CLYBL: variants seen among roughly 807,000 people sequenced by gnomAD.
The protein encoded by CLYBL is citramalyl-CoA lyase, mitochondrial.
A neutral mutation model predicts 38.9 loss-of-function variants in CLYBL; 31 were observed. The observed-to-expected ratio is 0.80, with a 90% CI of 0.60 to 1.08. CLYBL has a LOEUF of 1.08. Among genes scored for constraint, CLYBL ranks in the 50% least tolerant of loss-of-function variants. The pLI, the probability that CLYBL is intolerant of heterozygous loss-of-function variation, is 0.00. For synonymous variants in CLYBL, 171 were observed against 158.6 expected (o/e 1.08, Z -0.59); for missense variants, 434 against 411.6 (o/e 1.05, Z -0.47).
At chr13:99,732,962 TTAA>T (rs1312660122) in intron 1 of CLYBL, among the ~76,000 whole-genome samples, 1 of 152,246 alleles carries the variant, frequency 6.6e-6, no homozygotes, top group African/African-American at 2.4e-5. Context: ...CAAATAATTA[TTAA>T]TGATACTGTA....
At chr13:99,878,568 C>G (rs553823364) in intron 7 of CLYBL, among the ~76,000 whole-genome samples, 1 of 152,092 alleles carries the variant, frequency 6.6e-6, no homozygotes. Flanking sequence ...GTGATAGTAG[C>G]GGAACTCTAC....
intron 1 of CLYBL, among the ~76,000 whole-genome samples, chr13:99,661,702 T>G (rs906940345): frequency 6.6e-6 from 1 of 152,214 alleles, no homozygotes; most frequent in African/African-American, 2.4e-5. Context: ...TCTTACTGTT[T>G]TAAGGATTTT....
At chr13:99,655,702 C>T (rs555019786) in intron 1 of CLYBL, among the ~76,000 whole-genome samples, 1 of 152,292 alleles carries the variant, frequency 6.6e-6, no homozygotes, top group South Asian at 2.1e-4. Context: ...CTTGTGGGAC[C>T]TGGTGTCAGC....
intron 1 of CLYBL, among the ~76,000 whole-genome samples, chr13:99,675,946 C>T (rs1257962592): frequency 7.2e-5 from 11 of 152,140 alleles, no homozygotes; most frequent in Admixed American, 1.3e-4. Context: ...CTCCACCTCC[C>T]GGGTTCAAGT....
chr13:99,680,634 C>T (rs895065154), intron 1 of CLYBL, among the ~76,000 whole-genome samples: 13 of 152,168 alleles, frequency 8.5e-5, no homozygotes, highest in Non-Finnish European at 1.8e-4. Flanking sequence ...TTGAGTTATC[C>T]AATGTGCTTC....
At chr13:99,737,393 C>T (rs935784152) in intron 1 of CLYBL, among the ~76,000 whole-genome samples, 3 of 152,182 alleles carry the variant, frequency 2.0e-5, no homozygotes, top group African/African-American at 7.2e-5. Context: ...TCATTGACTT[C>T]TCACAACAAT....
intron 1 of CLYBL, among the ~76,000 whole-genome samples, chr13:99,698,593 G>C (rs545611437): frequency 3.3e-5 from 5 of 152,280 alleles, no homozygotes; most frequent in African/African-American, 9.6e-5. Context: ...TTTATTAACT[G>C]AGGCAAGGAG....
intron 2 of CLYBL, among the ~76,000 whole-genome samples, chr13:99,837,578 C>G (rs527439388): frequency 1.8e-4 from 27 of 152,298 alleles, no homozygotes; most frequent in African/African-American, 6.5e-4. Flanking sequence ...GAAATGTCAC[C>G]TAGTAAAATG....
At position 99,650,088 on chromosome 13, in the gene CLYBL, C is replaced by G. The variant is rs1294212565; in HGVS notation, c.62+43331C>G. 2.0e-5 allele frequency among the ~76,000 whole-genome samples: 3 copies of G among 151,946 alleles called. 1 individual carries two copies. In the East Asian group the frequency reaches 5.8e-4, roughly 29 times the overall value. ...ACCATCATGGCTAACACGGTGAAACCCCATCTCTACTAAAAATACAAAAAA... is the reference window on the plus strand; with the variant it reads ...ACCATCATGGCTAACACGGTGAAACGCCATCTCTACTAAAAATACAAAAAA... On this transcript the variant is annotated intron_variant, in intron 1 of 8. Coordinates refer to ENST00000339105, the MANE Select transcript of CLYBL (RefSeq NM_206808.5).
At chr13:99,716,169 A>AGTTTTTTTTTTTTTTTTTTTTT (rs1361639397) in intron 1 of CLYBL, among the ~76,000 whole-genome samples, 1 of 33,434 alleles carries the variant, frequency 3.0e-5, no homozygotes, top group African/African-American at 9.9e-5. Flanking sequence ...TATTGGTGTA[A>AGTTTTTTTTTTTTTTTTTTTTT]TTTTTTTTTT....
intron 1 of CLYBL, among the ~76,000 whole-genome samples, chr13:99,619,729 C>T (rs185150499): frequency 7.1e-4 from 108 of 152,286 alleles, no homozygotes; most frequent in African/African-American, 2.5e-3. Context: ...TAGATTGTGC[C>T]TTATTTTTCT....
intron 1 of CLYBL, among the ~76,000 whole-genome samples, chr13:99,620,328 G>C (rs749306264): frequency 2.0e-5 from 3 of 152,138 alleles, no homozygotes; most frequent in Non-Finnish European, 4.4e-5. Context: ...GAACCCTCAA[G>C]CTGGCTTGCA....
At chr13:99,768,055 A>T (rs929510654) in intron 1 of CLYBL, among the ~76,000 whole-genome samples, 2 of 152,062 alleles carry the variant, frequency 1.3e-5, no homozygotes, top group African/African-American at 4.8e-5. Context: ...ACAGTGTGGT[A>T]TCTAGAAATC....
At position 99,731,432 on chromosome 13, in the gene CLYBL, G is replaced by C. The variant is rs1423966820; in HGVS notation, c.63-41392G>C. Among the ~76,000 whole-genome samples, 3 of 150,606 alleles carry C rather than the reference G, an allele frequency of 2.0e-5. No homozygotes were observed. In the East Asian group the frequency reaches 5.9e-4, roughly 29 times the overall value. On this transcript the variant is annotated intron_variant, in intron 1 of 8. Coordinates refer to ENST00000339105, the MANE Select transcript of CLYBL (RefSeq NM_206808.5). ...GAGGATTACTTGAGGCCAGGAGTTT[G>C]AGATCAGCCTAAGTAACATAGCAAG...
chr13:99,670,691 T>G (rs1181860174), intron 1 of CLYBL, among the ~76,000 whole-genome samples: 5 of 152,192 alleles, frequency 3.3e-5, no homozygotes, highest in Non-Finnish European at 5.9e-5. Context: ...AAAATACGAT[T>G]TAACTGCAAA....
chr13:99,721,796 G>A (rs764004210), intron 1 of CLYBL, among the ~76,000 whole-genome samples: 10 of 152,058 alleles, frequency 6.6e-5, no homozygotes, highest in Non-Finnish European at 1.3e-4. Context: ...GACCCTTGGC[G>A]TGGTAGGTTA....
chr13:99,781,812 C>G (rs1264460044), intron 2 of CLYBL, among the ~76,000 whole-genome samples: 1 of 152,128 alleles, frequency 6.6e-6, no homozygotes, highest in African/African-American at 2.4e-5. Flanking sequence ...TCTTTCCTCT[C>G]TTAGTTTATA....
At chr13:99,718,086 C>T (rs984831247) in intron 1 of CLYBL, among the ~76,000 whole-genome samples, 1 of 151,722 alleles carries the variant, frequency 6.6e-6, no homozygotes, top group Non-Finnish European at 1.5e-5. Flanking sequence ...CCTAAGTTGC[C>T]CAGGCTGGTC....
intron 2 of CLYBL, among the ~76,000 whole-genome samples, chr13:99,786,864 AC>A (rs1270889228): frequency 6.6e-6 from 1 of 151,940 alleles, no homozygotes; most frequent in African/African-American, 2.4e-5. Flanking sequence ...CCTCTCCAGC[AC>A]CTGTTGTTTC....
Sources: allele counts gnomAD v4.1 joint callset (sites outside exome capture counted in the v4.1 genomes callset), GRCh38; gene constraint gnomAD v4.1.1; transcripts MANE v1.5; gene names NCBI Gene and HGNC (gene_info 2026-07-23, HGNC 2026-07-21).